The following PIK3C2G variants were observed in gnomAD, a reference collection of about 807,000 sequenced individuals.
PIK3C2G encodes phosphatidylinositol 3-kinase C2 domain-containing subunit gamma.
A neutral mutation model predicts 181.1 loss-of-function variants in PIK3C2G; 168 were observed. The ratio of observed to expected loss-of-function variants is 0.93; its 90% CI spans 0.82 to 1.05. The LOEUF (loss-of-function observed/expected upper bound fraction) is 1.05, where lower values mean the gene tolerates loss of function less well. PIK3C2G is among the 50% of genes least tolerant of loss of function. The pLI, the probability that PIK3C2G is intolerant of heterozygous loss-of-function variation, is 0.00. For missense variants in PIK3C2G, 1,869 were observed against 1,732.8 expected, an observed-to-expected ratio of 1.08 and a Z score of -1.40; for synonymous variants, 573 against 592.2, an observed-to-expected ratio of 0.97 and a Z score of 0.47.
At chr12:18,362,662 C>T in intron 11 of PIK3C2G, 102 bp from the exon 12 acceptor site, 1 of 790,750 alleles carries the variant, frequency 1.3e-6, no homozygotes, top group Non-Finnish European at 1.9e-6. Context: ...AAGCAGTCAT[C>T]ACTTTATCAT....
chr12:18,565,116 C>T lies in PIK3C2G; in HGVS notation c.3902+1618C>T, dbSNP rs145732718. Among the ~76,000 whole-genome samples, 6 of 152,208 alleles carry T rather than the reference C, an allele frequency of 3.9e-5. No individual in the cohort carries two copies. The Middle Eastern group carries it at 0.01, about 259-fold the overall frequency. On this transcript the variant is annotated intron_variant, in intron 28 of 32. Coordinates refer to ENST00000538779, the MANE Select transcript of PIK3C2G (RefSeq NM_001288772.2). Reference sequence around the variant, plus strand: ...TGAACACTGTTTGCATGCTGACACTCACAAAGGGGCCCAGGCTTACAGTGA... The same window carrying T: ...TGAACACTGTTTGCATGCTGACACTTACAAAGGGGCCCAGGCTTACAGTGA...
At chr12:18,497,438 T>A (rs1941101317) in intron 21 of PIK3C2G, among the ~76,000 whole-genome samples, 181 bp from the exon 22 acceptor site, 1 of 152,202 alleles carries the variant, frequency 6.6e-6, no homozygotes, top group Non-Finnish European at 1.5e-5. Flanking sequence ...AAGGAAGTTC[T>A]CATTTAAAAA....
the PIK3C2G span, among the ~76,000 whole-genome samples, chr12:18,677,599 T>C: frequency 2.6e-5 from 4 of 152,068 alleles, no homozygotes; most frequent in East Asian, 7.7e-4. Flanking sequence ...AGCACTGCTT[T>C]AGAATAACCT....
At chr12:18,533,936 T>C (rs1471434744) in intron 24 of PIK3C2G, among the ~76,000 whole-genome samples, 1 of 142,422 alleles carries the variant, frequency 7.0e-6, no homozygotes, top group Non-Finnish European at 1.5e-5. Context: ...ATTGTCCTGC[T>C]ATTTCTTTTT....
At chr12:18,414,020 A>G (rs1444027419) in intron 16 of PIK3C2G, among the ~76,000 whole-genome samples, 1 of 152,158 alleles carries the variant, frequency 6.6e-6, no homozygotes, top group African/African-American at 2.4e-5. Flanking sequence ...TTTGTGGAAC[A>G]TATTTGTCCA....
At chr12:18,693,219 T>G in the PIK3C2G span, 1 of 1,571,746 alleles carries the variant, frequency 6.4e-7, no homozygotes, top group Non-Finnish European at 8.8e-7. Flanking sequence ...GGAACCTGGC[T>G]GCTCGGTCAG....
At chr12:18,715,192 GGAGA>G in the PIK3C2G span, among the ~76,000 whole-genome samples, 90 of 8,924 alleles carry the variant, frequency 0.01, 3 homozygotes, top group African/African-American at 0.024. Flanking sequence ...GCGGAGGGAG[GGAGA>G]GAGAGAGAGA....
At chr12:18,525,286 A>G (rs902626973) in intron 24 of PIK3C2G, among the ~76,000 whole-genome samples, 1 of 151,876 alleles carries the variant, frequency 6.6e-6, no homozygotes, top group Non-Finnish European at 1.5e-5. Flanking sequence ...CAGCTACTCG[A>G]GAGGCTGAGG....
At chr12:18,349,717 T>TA (rs1940032570) in intron 11 of PIK3C2G, among the ~76,000 whole-genome samples, 6 of 152,152 alleles carry the variant, frequency 3.9e-5, no homozygotes, top group Non-Finnish European at 7.4e-5. Context: ...AAATTTATCG[T>TA]TTTGTGTATG....
At chr12:18,506,074 G>T (rs184743380) in intron 24 of PIK3C2G, among the ~76,000 whole-genome samples, 1 of 152,262 alleles carries the variant, frequency 6.6e-6, no homozygotes, top group African/African-American at 2.4e-5. Flanking sequence ...AACTGGAGTG[G>T]GGATACTATT....
At chr12:18,469,742 T>C (rs1354710751) in intron 18 of PIK3C2G, among the ~76,000 whole-genome samples, 1 of 150,380 alleles carries the variant, frequency 6.6e-6, no homozygotes, top group Non-Finnish European at 1.5e-5. Context: ...CCACAAAAGA[T>C]GAATGTATGC....
chr12:18,606,086 A>G (rs529735191), intron 30 of PIK3C2G, among the ~76,000 whole-genome samples: 25 of 152,262 alleles, frequency 1.6e-4, no homozygotes, highest in East Asian at 9.6e-4. Flanking sequence ...CTGAGTGTCA[A>G]TTCCTAGTGG....
chr12:18,419,901 A>T (rs1280265851), intron 16 of PIK3C2G, among the ~76,000 whole-genome samples: 1 of 152,116 alleles, frequency 6.6e-6, no homozygotes, highest in Admixed American at 6.6e-5. Context: ...CAGTAACCTG[A>T]TATGCTGAGA....
At chr12:18,644,962 A>G (rs1950038851) in intron 32 of PIK3C2G, among the ~76,000 whole-genome samples, 1 of 152,208 alleles carries the variant, frequency 6.6e-6, no homozygotes, top group South Asian at 2.1e-4. Flanking sequence ...ACTAATGTTC[A>G]GTAAATTCTT....
intron 24 of PIK3C2G, among the ~76,000 whole-genome samples, chr12:18,525,464 C>A (rs1426736308): frequency 6.6e-6 from 1 of 152,036 alleles, no homozygotes; most frequent in African/African-American, 2.4e-5. Context: ...GAGTTTGAGG[C>A]TTGTTGACTG....
chr12:18,590,433 C>T (rs946209417), intron 29 of PIK3C2G, among the ~76,000 whole-genome samples: 1 of 151,862 alleles, frequency 6.6e-6, no homozygotes, highest in Non-Finnish European at 1.5e-5. Flanking sequence ...GTTTTTATTA[C>T]TCTAGCTGGT....
chr12:18,613,124 C>G (rs978438973), intron 31 of PIK3C2G, among the ~76,000 whole-genome samples: 7 of 152,118 alleles, frequency 4.6e-5, no homozygotes, highest in African/African-American at 1.7e-4. Context: ...TTAAAATGCT[C>G]TCTTTCATTG....
At chr12:18,559,458 G>T (rs913871416) in intron 26 of PIK3C2G, among the ~76,000 whole-genome samples, 2 of 152,010 alleles carry the variant, frequency 1.3e-5, no homozygotes, top group Non-Finnish European at 2.9e-5. Context: ...CTCCAAAAGA[G>T]TCAACAGTTA....
intron 24 of PIK3C2G, among the ~76,000 whole-genome samples, chr12:18,537,365 GT>G (rs781764227): frequency 6.6e-5 from 10 of 151,996 alleles, no homozygotes; most frequent in Non-Finnish European, 1.5e-4. Flanking sequence ...TCAATGAGTG[GT>G]AATTCCTCCA....
Sources: allele counts gnomAD v4.1 joint callset (sites outside exome capture counted in the v4.1 genomes callset), GRCh38; gene constraint gnomAD v4.1.1; transcripts MANE v1.5; gene names NCBI Gene and HGNC (gene_info 2026-07-23, HGNC 2026-07-21).